The following SERPINA5 variants were observed in gnomAD, a reference collection of about 807,000 sequenced individuals.
The protein encoded by SERPINA5 is serpin family A member 5.
In SERPINA5, 25 loss-of-function variants were observed where a neutral mutation model predicts 25.3. That is an observed-to-expected ratio of 0.99 (90% CI 0.72 to 1.38). The LOEUF is 1.38. Among genes scored for constraint, SERPINA5 ranks in the 40% most tolerant of loss-of-function variants. SERPINA5 has a pLI of 0.00. For synonymous variants in SERPINA5, 234 were observed against 206.2 expected, an observed-to-expected ratio of 1.14 and a Z score of -1.16; for missense variants, 599 against 509.5, an observed-to-expected ratio of 1.18 and a Z score of -1.69.
Position 94,587,318 on chromosome 14 carries a change from C to T in SERPINA5, c.-17-28C>T, listed in dbSNP as rs757943104. ...CAGCACCTGGACCAGCTCCACCCCT[C>T]TCTGAGGACACCTTCTTTCCCTTTC... On this transcript the variant is annotated intron_variant, in intron 2 of 5. Coordinates refer to ENST00000329597, the MANE Select transcript of SERPINA5 (RefSeq NM_000624.6). 2.6e-6 allele frequency: 4 copies of T among 1,548,640 alleles called. No homozygotes were observed. In the South Asian group the frequency reaches 3.8e-5, roughly 15 times the overall value.
At chr14:94,584,814 A>C (rs1885023319) in intron 2 of SERPINA5, among the ~76,000 whole-genome samples, 1 of 152,190 alleles carries the variant, frequency 6.6e-6, no homozygotes, top group African/African-American at 2.4e-5. Context: ...TTTCTTTAGA[A>C]GCATCTCCAT....
rs1885243340 is a variant in SERPINA5 at position 94,590,449 on chromosome 14, T to C, written c.890+138T>C. 3.5e-6 allele frequency: 4 copies of C among 1,137,646 alleles called. No homozygotes were observed. The East Asian group carries it at 1.0e-4, about 29-fold the overall frequency. 70.5% of individuals were successfully genotyped at this position (1,137,646 alleles called of 1,614,324 possible). On this transcript the variant is annotated intron_variant, in intron 4 of 5. Coordinates refer to ENST00000329597, the MANE Select transcript of SERPINA5 (RefSeq NM_000624.6). ...TGCCTCCAGGCCCAGAGGCATCCTGTGACATCCAAGTCCTGGGGGCCTAGC... is the reference window on the plus strand; with the variant it reads ...TGCCTCCAGGCCCAGAGGCATCCTGCGACATCCAAGTCCTGGGGGCCTAGC...
intron 2 of SERPINA5, 149 bp from the exon 3 acceptor site, chr14:94,587,197 C>T: frequency 1.4e-6 from 1 of 712,214 alleles, no homozygotes; most frequent in East Asian, 2.6e-5. Flanking sequence ...CTGTGTAAAC[C>T]CTCATGCCCA....
At position 94,590,492 on chromosome 14, in the gene SERPINA5, A is replaced by G; in HGVS notation, c.890+181A>G. ...GGCCTAGCCCAGTTGGAGGGACAAG[A>G]GCTGGAAACTGGGTTCCTTAGGGTG... On this transcript the variant is annotated intron_variant, in intron 4 of 5. Coordinates refer to ENST00000329597, the MANE Select transcript of SERPINA5 (RefSeq NM_000624.6). 4 of 899,082 alleles carry G rather than the reference A, an allele frequency of 4.4e-6. No homozygotes were observed. The South Asian group carries it at 8.1e-5, about 18-fold the overall frequency. 55.7% of individuals were successfully genotyped at this position (899,082 alleles called of 1,614,324 possible).
At chr14:94,591,915 C>T (rs1885315855) in intron 5 of SERPINA5, 142 bp from the exon 6 acceptor site, 3 of 898,286 alleles carry the variant, frequency 3.3e-6, no homozygotes, top group Non-Finnish European at 5.1e-6. Flanking sequence ...GTAGCTGCTC[C>T]ATTGTTCCAT....
chr14:94,588,126 G>C, intron 3 of SERPINA5, 145 bp downstream of exon 3: 1 of 1,047,038 alleles, frequency 9.6e-7, no homozygotes, highest in Non-Finnish European at 1.4e-6. Context: ...AAGTAAACAA[G>C]CAGCCAGAGA....
At position 94,592,581 on chromosome 14, in the gene SERPINA5, A is replaced by C; in HGVS notation, c.*342A>C. The C allele has an allele frequency of 4.6e-6, 1 of 216,042 alleles. No individual in the cohort carries two copies. The highest frequency in any genetic ancestry group is 9.2e-6 in the Non-Finnish European group (1 of 108,578). 13.4% of individuals were successfully genotyped at this position (216,042 alleles called of 1,614,324 possible). ...CCTTGATGCCCAGCTCAGTGCCACA[A>C]AGCTCAATAGGAGGGATGTTCCAGT... On this transcript the variant is annotated 3_prime_UTR_variant, in exon 6 of 6. Coordinates refer to ENST00000329597, the MANE Select transcript of SERPINA5 (RefSeq NM_000624.6).
In SERPINA5 at chr14:94,592,552, T is replaced by A. The variant is rs1042336831; in HGVS notation, c.*313T>A. 6 of 263,718 alleles carry A rather than the reference T, an allele frequency of 2.3e-5. No homozygotes were observed. The highest frequency in any genetic ancestry group is 1.3e-4 in the African/African-American group (6 of 45,306). The allele number at this position is 263,718 out of a possible 1,614,324, so 16.3% of individuals were successfully genotyped here. ...AGTGGCAAAGAGAGGTCCAGAGTCC[T>A]GGCCCTTGATGCCCAGCTCAGTGCC... is the stretch of plus-strand genomic sequence containing the variant. On this transcript the variant is annotated 3_prime_UTR_variant, in exon 6 of 6. Transcript: ENST00000329597.
intron 5 of SERPINA5, among the ~76,000 whole-genome samples, chr14:94,591,190 C>G (rs1566839104): frequency 1.3e-5 from 2 of 148,430 alleles, no homozygotes; most frequent in South Asian, 4.4e-4. Flanking sequence ...CCACTCCACT[C>G]TACTCCTCCA....
chr14:94,583,775 C>T (rs1884989631), intron 2 of SERPINA5, among the ~76,000 whole-genome samples: 4 of 152,168 alleles, frequency 2.6e-5, no homozygotes, highest in Admixed American at 2.6e-4. Context: ...TCTCTTCCCT[C>T]TGCAGAAACA....
rs1159834878 is a variant in SERPINA5, at chr14:94,592,249, TCTC to T, written c.*13_*15del. On this transcript the variant is annotated 3_prime_UTR_variant, in exon 6 of 6. Coordinates refer to ENST00000329597, the MANE Select transcript of SERPINA5 (RefSeq NM_000624.6). Reference sequence around the variant, plus strand: ...AGTGAACCGCCCCTGAGGTGGGGCTTCTCCTGAAATCTACAGGCCTCAGGGTGG... The same window carrying T: ...AGTGAACCGCCCCTGAGGTGGGGCTTCTGAAATCTACAGGCCTCAGGGTGG... 4 of 1,607,442 alleles carry T rather than the reference TCTC, an allele frequency of 2.5e-6. No individual in the cohort carries two copies. Among genetic ancestry groups the T allele is most frequent in the Middle Eastern group, 3.3e-4 (2 of 6,028 alleles).
Position 94,587,356 on chromosome 14 carries a change from A to T in SERPINA5, c.-7A>T, listed in dbSNP as rs1885124148. 6.3e-7 allele frequency: 1 copy of T among 1,594,976 alleles called. No homozygotes were observed. The highest frequency in any genetic ancestry group is 1.7e-4 in the Middle Eastern group (1 of 5,938). ...TTCTTTCCCTTTCAGAACAAAGAAC[A>T]GCCACCATGCAGCTCTTCCTCCTCT... On this transcript the variant is annotated 5_prime_UTR_variant, in exon 3 of 6. Transcript: ENST00000329597.
chr14:94,583,595 C>A (rs1884983829), intron 2 of SERPINA5, among the ~76,000 whole-genome samples: 1 of 152,218 alleles, frequency 6.6e-6, no homozygotes, highest in African/African-American at 2.4e-5. Context: ...CAGGGTAGAA[C>A]TGGGCAGGAC....
intron 3 of SERPINA5, 47 bp downstream of exon 3, chr14:94,588,028 G>T: frequency 6.4e-7 from 1 of 1,572,200 alleles, no homozygotes; most frequent in Non-Finnish European, 8.6e-7. Flanking sequence ...CTTTTCTGCT[G>T]CTTTTATCTA....
chr14:94,587,956 C>A lies in SERPINA5; in HGVS notation c.594C>A (p.Ile198=). Residue 198 remains isoleucine (I), a synonymous_variant, in exon 3 of 6, where the codon ATC becomes ATA. Transcript: ENST00000329597. Reference sequence around the variant, plus strand: ...ACCTCGATAGCAATGCGGTCGTGATCATGGTGAATTACATCTTCTTTAAAG... The same window carrying A: ...ACCTCGATAGCAATGCGGTCGTGATAATGGTGAATTACATCTTCTTTAAAG... The part of the protein sequence containing the change: ...LKNLDSNAVV[I]MVNYIFFKAK... The A allele has an allele frequency of 6.2e-7, 1 of 1,614,104 alleles. No homozygotes were observed. Among genetic ancestry groups the A allele is most frequent in the South Asian group, 1.1e-5 (1 of 91,076 alleles).
At chr14:94,591,978 T>C in intron 5 of SERPINA5, 79 bp from the exon 6 acceptor site, 3 of 1,477,808 alleles carry the variant, frequency 2.0e-6, no homozygotes, top group South Asian at 2.6e-5. Flanking sequence ...TTGATGCCCA[T>C]AGGCAGAAGC....
chr14:94,585,779 G>GTGTA (rs1199401556), intron 2 of SERPINA5, among the ~76,000 whole-genome samples: 1 of 151,314 alleles, frequency 6.6e-6, no homozygotes, highest in African/African-American at 2.4e-5. Context: ...GTGTGTGTGT[G>GTGTA]TGTGTGTGTG....
At chr14:94,590,445 C>A in intron 4 of SERPINA5, 134 bp downstream of exon 4, 1 of 1,142,186 alleles carries the variant, frequency 8.8e-7, no homozygotes, top group South Asian at 1.8e-5. Context: ...CCAGAGGCAT[C>A]CTGTGACATC....
At chr14:94,591,549 G>GTTATTCTATTCTATTCTA (rs1885291769) in intron 5 of SERPINA5, among the ~76,000 whole-genome samples, 1 of 108,222 alleles carries the variant, frequency 9.2e-6, no homozygotes, top group Non-Finnish European at 1.8e-5. Flanking sequence ...ATTCTGTTCT[G>GTTATTCTATTCTATTCTA]TTCTATTCTA....
Sources: gnomAD v4.1 joint callset for allele counts (sites outside exome capture counted in the v4.1 genomes callset) on GRCh38, gnomAD v4.1.1 for gene constraint, MANE v1.5 for transcripts, NCBI Gene and HGNC (gene_info 2026-07-23, HGNC 2026-07-21) for gene names.